AP3B1: variants seen among roughly 807,000 people sequenced by gnomAD.
AP3B1 encodes the protein AP-3 complex subunit beta-1.
AP3B1 carries 61 observed loss-of-function variants against 132.5 expected under a neutral mutation model. The ratio of observed to expected loss-of-function variants is 0.46; its 90% CI spans 0.37 to 0.57. The LOEUF is 0.57. AP3B1 is among the 20% of genes least tolerant of loss of function. The probability of loss-of-function intolerance (pLI) is 0.00; values close to 1 mark genes in which losing one functional copy is unlikely to be tolerated. For missense variants in AP3B1, 1,120 were observed against 1,289.4 expected (o/e 0.87, Z 2.01); for synonymous variants, 388 against 438.3 (o/e 0.89, Z 1.43).
chr5:78,119,016 C>T (rs902274348), intron 17 of AP3B1, among the ~76,000 whole-genome samples: 1 of 152,146 alleles, frequency 6.6e-6, no homozygotes, highest in African/African-American at 2.4e-5. Context: ...TGCAGTTCAC[C>T]AATATCCGCT....
chr5:78,074,062 C>A (rs1749661455), intron 22 of AP3B1, among the ~76,000 whole-genome samples: 1 of 152,116 alleles, frequency 6.6e-6, no homozygotes, highest in Non-Finnish European at 1.5e-5. Flanking sequence ...TAACAACTAA[C>A]ATTATGAGTA....
chr5:78,165,307 G>A (rs1345389773), intron 12 of AP3B1, among the ~76,000 whole-genome samples: 1 of 152,076 alleles, frequency 6.6e-6, no homozygotes, highest in African/African-American at 2.4e-5. Context: ...ATATAGAAAG[G>A]ACTATTGATG....
At chr5:78,003,395 T>C (rs546189885) in intron 26 of AP3B1, 6 of 375,174 alleles carry the variant, frequency 1.6e-5, no homozygotes, top group African/African-American at 1.3e-4. Flanking sequence ...CATTTCACCA[T>C]GCATAGGGAC....
intron 22 of AP3B1, among the ~76,000 whole-genome samples, chr5:78,076,097 GTGT>G (rs1749756466): frequency 6.6e-6 from 1 of 152,208 alleles, no homozygotes; most frequent in Non-Finnish European, 1.5e-5. Flanking sequence ...TCAAATAATA[GTGT>G]TTATGTTCAT....
At chr5:78,203,524 TG>T (rs922002417) in intron 7 of AP3B1, among the ~76,000 whole-genome samples, 1 of 152,004 alleles carries the variant, frequency 6.6e-6, no homozygotes, top group African/African-American at 2.4e-5. Flanking sequence ...AGGTGAGATA[TG>T]GGGGGGACAC....
chr5:78,141,605 C>T (rs1174132568), intron 14 of AP3B1, among the ~76,000 whole-genome samples: 1 of 152,142 alleles, frequency 6.6e-6, no homozygotes. Flanking sequence ...TTCTAGAAGC[C>T]AGTCTAGCTG....
At chr5:78,089,528 G>A in intron 21 of AP3B1, 29 bp from the exon 22 acceptor site, 1 of 1,359,536 alleles carries the variant, frequency 7.4e-7, no homozygotes, top group Non-Finnish European at 1.1e-6. Context: ...ATTAGTAAAT[G>A]TGCATGAACG....
At chr5:78,262,350 G>C (rs1377163420) in intron 2 of AP3B1, among the ~76,000 whole-genome samples, 2 of 151,936 alleles carry the variant, frequency 1.3e-5, no homozygotes, top group Non-Finnish European at 2.9e-5. Context: ...GAGTTTTATA[G>C]TTTTAGCTCT....
intron 22 of AP3B1, among the ~76,000 whole-genome samples, chr5:78,056,772 T>C (rs1454302176): frequency 1.3e-5 from 2 of 152,234 alleles, no homozygotes; most frequent in Non-Finnish European, 2.9e-5. Flanking sequence ...GGGACTATTT[T>C]TTCAAAGGCT....
intron 1 of AP3B1, among the ~76,000 whole-genome samples, chr5:78,272,901 T>A (rs1748607086): frequency 6.6e-6 from 1 of 152,224 alleles, no homozygotes; most frequent in African/African-American, 2.4e-5. Context: ...AACAGGATCA[T>A]TCTGGCTGCT....
chr5:78,039,793 G>A (rs377073), intron 22 of AP3B1, among the ~76,000 whole-genome samples: 20,542 of 128,380 alleles, frequency 0.16, 1,817 homozygotes, highest in Admixed American at 0.22. Flanking sequence ...AAAAAAAAAA[G>A]AAAAGAAAAG....
In AP3B1 at chr5:78,002,822, T is replaced by C; in HGVS notation, c.*80A>G. 2.0e-6 allele frequency: 3 copies of C among 1,504,980 alleles called. No homozygotes were observed. Among genetic ancestry groups the C allele is most frequent in the East Asian group, 2.3e-5 (1 of 44,320 alleles). The allele number at this position is 1,504,980 out of a possible 1,614,324, so 93.2% of individuals were successfully genotyped here. A position where few individuals can be genotyped will look rare whatever the true frequency, so the allele number is the denominator to read the frequency against. ...CCCCACTGCCAGATGGAAGGGCTAT[T>C]ATTATAAATGAAAGGCAGCAGTAGT... On this transcript the variant is annotated 3_prime_UTR_variant, in exon 27 of 27. Transcript: ENST00000255194.
chr5:78,104,886 C>G (rs1751271104), intron 20 of AP3B1, among the ~76,000 whole-genome samples: 1 of 152,106 alleles, frequency 6.6e-6, no homozygotes, highest in African/African-American at 2.4e-5. Flanking sequence ...CAAATATAAC[C>G]TGAGATAAAA....
intron 21 of AP3B1, among the ~76,000 whole-genome samples, chr5:78,097,806 T>G (rs904997220): frequency 7.2e-5 from 11 of 152,148 alleles, no homozygotes; most frequent in African/African-American, 1.9e-4. Flanking sequence ...GAACGGGCCA[T>G]GATGACAATG....
chr5:78,058,202 C>G (rs948560749), intron 22 of AP3B1, among the ~76,000 whole-genome samples: 3 of 152,086 alleles, frequency 2.0e-5, no homozygotes, highest in Admixed American at 2.0e-4. Context: ...AAATGTTTCA[C>G]TGAGAAGTGC....
At chr5:78,114,675 T>G (rs1180384483) in intron 18 of AP3B1, among the ~76,000 whole-genome samples, 5 of 152,212 alleles carry the variant, frequency 3.3e-5, no homozygotes, top group Admixed American at 1.3e-4. Context: ...AAGGACAAAC[T>G]GTTGCCCTGC....
intron 1 of AP3B1, among the ~76,000 whole-genome samples, chr5:78,293,320 G>C (rs1749615756): frequency 6.6e-6 from 1 of 152,136 alleles, no homozygotes. Flanking sequence ...AACAAGCTCC[G>C]TACTTGTTCT....
intron 22 of AP3B1, among the ~76,000 whole-genome samples, chr5:78,075,061 C>T (rs1749706172): frequency 6.6e-6 from 1 of 152,146 alleles, no homozygotes; most frequent in African/African-American, 2.4e-5. Context: ...AAAGACGTCC[C>T]TCAAAGCAAT....
At chr5:78,282,559 T>C (rs546731320) in intron 1 of AP3B1, among the ~76,000 whole-genome samples, 2 of 152,262 alleles carry the variant, frequency 1.3e-5, no homozygotes, top group South Asian at 2.1e-4. Flanking sequence ...TTTTTGCCAT[T>C]AAAAGTAAAT....
Sources: gnomAD v4.1 joint callset for allele counts (sites outside exome capture counted in the v4.1 genomes callset) on GRCh38, gnomAD v4.1.1 for gene constraint, MANE v1.5 for transcripts, NCBI Gene and HGNC (gene_info 2026-07-23, HGNC 2026-07-21) for gene names.